The following CHIC2 variants were observed in gnomAD, a reference collection of about 807,000 sequenced individuals.
The protein encoded by CHIC2 is cysteine-rich hydrophobic domain-containing protein 2.
A neutral mutation model predicts 25.9 loss-of-function variants in CHIC2; 14 were observed. The ratio of observed to expected loss-of-function variants is 0.54; its 90% CI spans 0.36 to 0.85. The LOEUF (loss-of-function observed/expected upper bound fraction) is 0.85. CHIC2 is among the 40% of genes least tolerant of loss of function. CHIC2 has a pLI of 0.01. For missense variants in CHIC2, 146 were observed against 202.0 expected (o/e 0.72, Z 1.68); for synonymous variants, 70 against 72.0 (o/e 0.97, Z 0.14).
At chr4:54,010,770 A>G (rs948144219) in intron 5 of CHIC2, among the ~76,000 whole-genome samples, 2 of 152,016 alleles carry the variant, frequency 1.3e-5, no homozygotes, top group Admixed American at 6.6e-5. Context: ...AATCAACCCA[A>G]CTACATGAGT....
rs1489460293 is a variant in CHIC2, at chr4:54,064,041, A to C, written c.119+141T>G. On this transcript the variant is annotated intron_variant, in intron 1 of 5. Coordinates refer to ENST00000263921, the MANE Select transcript of CHIC2 (RefSeq NM_012110.4). The surrounding 1 kb of genome is among the most constrained non-coding windows in gnomAD (Gnocchi z 4.2). ...TCGGAGACCCAAACAAATGAAAATA[A>C]GCCAAGTTCTCACTTCCTGGTTGCC... The C allele has an allele frequency of 2.9e-6, 2 of 679,782 alleles. No homozygotes were observed. Among genetic ancestry groups the C allele is most frequent in the Non-Finnish European group, 5.0e-6 (2 of 398,462 alleles). 42.1% of individuals were successfully genotyped at this position (679,782 alleles called of 1,614,324 possible).
At chr4:54,035,634 C>T (rs13145700) in intron 3 of CHIC2, among the ~76,000 whole-genome samples, 40,460 of 151,938 alleles carry the variant, frequency 0.27, 6,260 homozygotes, top group Middle Eastern at 0.4. Flanking sequence ...CCCACTCTGG[C>T]TAGAGATTTA....
chr4:54,077,005 G>T, the CHIC2 span, among the ~76,000 whole-genome samples: 1 of 152,120 alleles, frequency 6.6e-6, no homozygotes, highest in Non-Finnish European at 1.5e-5. Context: ...AGGAAACTGG[G>T]TTAACTCAAC....
At chr4:54,060,479 A>C (rs1717297914) in intron 1 of CHIC2, 1 of 152,150 alleles carries the variant, frequency 6.6e-6, no homozygotes, top group Non-Finnish European at 1.5e-5. Context: ...GAAGTCAAAG[A>C]TTATACATAC....
chr4:54,071,227 G>C, the CHIC2 span, among the ~76,000 whole-genome samples: 1 of 152,200 alleles, frequency 6.6e-6, no homozygotes, highest in African/African-American at 2.4e-5. Context: ...AAAATCCAAA[G>C]CTTGAAATGT....
chr4:54,044,418 A>C (rs1225609382), intron 3 of CHIC2, among the ~76,000 whole-genome samples: 7 of 152,222 alleles, frequency 4.6e-5, no homozygotes, highest in Non-Finnish European at 1.0e-4. Context: ...ACTCCTCAGC[A>C]AATGTAAAAG....
intron 1 of CHIC2, among the ~76,000 whole-genome samples, chr4:54,061,370 AT>A (rs935090760): frequency 1.4e-4 from 22 of 152,186 alleles, no homozygotes; most frequent in Non-Finnish European, 1.6e-4. Flanking sequence ...GAAATAGTCA[AT>A]TGTAAAGGGC....
At chr4:54,084,536 G>A in the CHIC2 span, among the ~76,000 whole-genome samples, 2 of 150,184 alleles carry the variant, frequency 1.3e-5, no homozygotes, top group East Asian at 1.9e-4. Context: ...CTCAAGGACA[G>A]CAATGACATA....
chr4:54,071,413 G>T, the CHIC2 span, among the ~76,000 whole-genome samples: 8 of 152,192 alleles, frequency 5.3e-5, no homozygotes, highest in Admixed American at 4.6e-4. Flanking sequence ...TATAAGCCTT[G>T]TAAACATTCC....
chr4:54,036,546 T>C (rs757929846), intron 3 of CHIC2, among the ~76,000 whole-genome samples: 6 of 152,112 alleles, frequency 3.9e-5, no homozygotes, highest in Non-Finnish European at 7.4e-5. Flanking sequence ...CCTGTGAAGT[T>C]ATCTGCCCCC....
intron 3 of CHIC2, among the ~76,000 whole-genome samples, chr4:54,046,763 C>A (rs1716833467): frequency 6.6e-6 from 1 of 152,104 alleles, no homozygotes; most frequent in Admixed American, 6.5e-5. Flanking sequence ...TCTAAAACAC[C>A]AAAAGCAATG....
the CHIC2 span, among the ~76,000 whole-genome samples, chr4:54,078,358 AC>A: frequency 2.6e-5 from 4 of 152,166 alleles, no homozygotes; most frequent in Non-Finnish European, 4.4e-5. Context: ...CCATTAGAGA[AC>A]AGTTCCACAA....
At chr4:54,082,379 G>C in the CHIC2 span, among the ~76,000 whole-genome samples, 2 of 152,214 alleles carry the variant, frequency 1.3e-5, no homozygotes, top group African/African-American at 4.8e-5. Flanking sequence ...CTGCTCCACT[G>C]TATGGATCTT....
chr4:54,076,187 G>A, the CHIC2 span, among the ~76,000 whole-genome samples: 2 of 151,980 alleles, frequency 1.3e-5, no homozygotes, highest in African/African-American at 2.4e-5. Context: ...TATTTGGGGG[G>A]CTCAGGCAGA....
At chr4:54,084,991 T>C in the CHIC2 span, among the ~76,000 whole-genome samples, 2 of 108,496 alleles carry the variant, frequency 1.8e-5, no homozygotes, top group Non-Finnish European at 4.0e-5. Flanking sequence ...ATCAAACAGG[T>C]AGCATAGAGA....
At chr4:54,045,911 A>C (rs1716770122) in intron 3 of CHIC2, among the ~76,000 whole-genome samples, 1 of 152,212 alleles carries the variant, frequency 6.6e-6, no homozygotes, top group Admixed American at 6.5e-5. Context: ...CCATCGTCTC[A>C]GCCCAAAATC....
intron 3 of CHIC2, among the ~76,000 whole-genome samples, chr4:54,031,087 A>G (rs1411783116): frequency 6.6e-6 from 1 of 151,984 alleles, no homozygotes; most frequent in Non-Finnish European, 1.5e-5. Context: ...TAGACCTACA[A>G]AGCTCAATTT....
At chr4:54,037,878 G>C (rs1716443309) in intron 3 of CHIC2, among the ~76,000 whole-genome samples, 3 of 151,978 alleles carry the variant, frequency 2.0e-5, no homozygotes, top group African/African-American at 7.2e-5. Context: ...AAAATGTGTA[G>C]GATATAGTCA....
Position 54,064,496 on chromosome 4 carries a change from A to G in CHIC2, c.-196T>C. On this transcript the variant is annotated 5_prime_UTR_variant, in exon 1 of 6. An upstream start codon of the reference 5' UTR is lost. Transcript: ENST00000263921. The surrounding 1 kb of genome is among the most constrained non-coding windows in gnomAD (Gnocchi z 4.2). ...GACCGTCGCCGCCACCGCCGCCGCC[A>G]TTACCATCAGCAATAACAACAACAC... The G allele has an allele frequency of 7.0e-7, 1 of 1,438,622 alleles. No homozygotes were observed. The highest frequency in any genetic ancestry group is 9.1e-7 in the Non-Finnish European group (1 of 1,104,326). 89.1% of individuals were successfully genotyped at this position (1,438,622 alleles called of 1,614,324 possible). A position where few individuals can be genotyped will look rare whatever the true frequency, so the allele number is the denominator to read the frequency against.
Sources: gnomAD v4.1 joint callset for allele counts (sites outside exome capture counted in the v4.1 genomes callset) on GRCh38, gnomAD v4.1.1 for gene constraint, Gnocchi (gnomAD v3.1) non-coding constraint, MANE v1.5 for transcripts, NCBI Gene and HGNC (gene_info 2026-07-23, HGNC 2026-07-21) for gene names.